Variants in ATP9A observed in about 807,000 individuals in gnomAD.
The protein encoded by ATP9A is probable phospholipid-transporting ATPase IIA.
ATP9A carries 52 observed loss-of-function variants against 144.1 expected under a neutral mutation model. That is an observed-to-expected ratio of 0.36 (90% CI 0.29 to 0.45). The LOEUF is 0.45. ATP9A is among the 20% of genes least tolerant of loss of function. The pLI is 1.00. For missense variants in ATP9A, 947 were observed against 1,392.7 expected (o/e 0.68, Z 5.09); for synonymous variants, 582 against 557.4 (o/e 1.04, Z -0.62).
chr20:51,674,368 A>G, intron 10 of ATP9A, 55 bp from the exon 11 acceptor site: 1 of 1,583,372 alleles, frequency 6.3e-7, no homozygotes, highest in Non-Finnish European at 8.6e-7. Context: ...ACTAATCTCA[A>G]ACCTAAACCA....
At chr20:51,742,257 C>T (rs577895263) in intron 1 of ATP9A, among the ~76,000 whole-genome samples, 3 of 149,934 alleles carry the variant, frequency 2.0e-5, no homozygotes, top group East Asian at 3.9e-4. Flanking sequence ...CCCGGGAAGT[C>T]GAGGCTGCAG....
rs1223593886 is a variant in ATP9A at position 51,622,114 on chromosome 20, T to C, written c.2075A>G (p.His692Arg). 6.2e-7 allele frequency: 1 copy of C among 1,614,058 alleles called. No homozygotes were observed. Among genetic ancestry groups the C allele is most frequent in the East Asian group, 2.2e-5 (1 of 44,886 alleles). The change falls in exon 19 of 28, where the codon CAT (histidine) becomes CGT (arginine). Residue 692 changes from histidine (H) to arginine (R), a missense_variant. By Grantham distance (29) the His-to-Arg change is conservative (BLOSUM62 0). Coordinates refer to ENST00000338821, the MANE Select transcript of ATP9A (RefSeq NM_006045.3). ...ETATCTAKNA[H>R]LVTRNQDIHV... is the part of the protein sequence containing the mutation. Reference sequence around the variant, plus strand: ...GATGTCTTGGTTTCTGGTCACCAGATGTGCATTCTTCGCTGTGCACGTAGC... The same window carrying C: ...GATGTCTTGGTTTCTGGTCACCAGACGTGCATTCTTCGCTGTGCACGTAGC...
intron 9 of ATP9A, among the ~76,000 whole-genome samples, chr20:51,688,644 T>C (rs2122814226): frequency 6.6e-6 from 1 of 151,876 alleles, no homozygotes; most frequent in East Asian, 1.9e-4. Flanking sequence ...GGCACCAATA[T>C]CCACTTCCTC....
At chr20:51,683,409 C>T (rs1033725773) in intron 9 of ATP9A, among the ~76,000 whole-genome samples, 9 of 151,588 alleles carry the variant, frequency 5.9e-5, no homozygotes, top group African/African-American at 9.7e-5. Context: ...GGATTACAGG[C>T]GCCCACCACC....
chr20:51,656,540 G>A (rs2077387592), intron 14 of ATP9A, among the ~76,000 whole-genome samples: 1 of 152,154 alleles, frequency 6.6e-6, no homozygotes. Context: ...GCAAAAGAGT[G>A]AGACTGTATC....
intron 25 of ATP9A, among the ~76,000 whole-genome samples, chr20:51,608,000 A>C (rs1425644123): frequency 6.6e-6 from 1 of 150,490 alleles, no homozygotes; most frequent in African/African-American, 2.4e-5. Flanking sequence ...GCCGAGATCG[A>C]GCCACTACAC....
At chr20:51,719,478 T>C (rs889760265) in intron 3 of ATP9A, among the ~76,000 whole-genome samples, 13 of 152,152 alleles carry the variant, frequency 8.5e-5, no homozygotes, top group Non-Finnish European at 1.2e-4. Flanking sequence ...CTCACGCCTG[T>C]AATCCCAGCA....
At chr20:51,664,447 G>A (rs2077424187) in intron 13 of ATP9A, among the ~76,000 whole-genome samples, 2 of 151,954 alleles carry the variant, frequency 1.3e-5, no homozygotes, top group Admixed American at 1.3e-4. Context: ...AATTAGCCAG[G>A]TATGGTGACG....
At chr20:51,719,441 A>G (rs972598004) in intron 3 of ATP9A, among the ~76,000 whole-genome samples, 2 of 152,180 alleles carry the variant, frequency 1.3e-5, no homozygotes, top group Non-Finnish European at 2.9e-5. Context: ...TTTCCTAAAA[A>G]GAAGAAACAT....
At chr20:51,724,638 G>A (rs2426389) in intron 3 of ATP9A, among the ~76,000 whole-genome samples, 19,268 of 152,188 alleles carry the variant, frequency 0.13, 1,274 homozygotes, top group South Asian at 0.19. Context: ...CTGAATGTCA[G>A]CCCCACAGGG....
At chr20:51,726,724 A>G (rs2077715057) in intron 2 of ATP9A, among the ~76,000 whole-genome samples, 1 of 151,558 alleles carries the variant, frequency 6.6e-6, no homozygotes. Context: ...AACCACAAGC[A>G]TGCACCACCA....
At chr20:51,747,281 T>C (rs928073836) in intron 1 of ATP9A, among the ~76,000 whole-genome samples, 1 of 152,122 alleles carries the variant, frequency 6.6e-6, no homozygotes, top group East Asian at 1.9e-4. Context: ...TGGCAGCTTC[T>C]CTTTAAATGT....
chr20:51,751,523 A>G (rs1041717667), intron 1 of ATP9A, among the ~76,000 whole-genome samples: 1 of 151,890 alleles, frequency 6.6e-6, no homozygotes, highest in African/African-American at 2.4e-5. Flanking sequence ...CCGCCTCTCA[A>G]AATGCTGGGA....
rs2077899861 is a variant in ATP9A, at chr20:51,765,561, A to C, written c.68+2741T>G. 2.7e-5 allele frequency among the ~76,000 whole-genome samples: 4 copies of C among 148,318 alleles called. No individual in the cohort carries two copies. The South Asian group carries it at 8.5e-4, about 31-fold the overall frequency. On this transcript the variant is annotated intron_variant, in intron 1 of 27. Transcript: ENST00000338821. ...AGCTACTCAGGAGGCTGATTCAAGG[A>C]GAATCGCTTGAACCTGGAATGCGGA...
At chr20:51,663,846 T>C (rs994618738) in intron 13 of ATP9A, among the ~76,000 whole-genome samples, 4 of 152,050 alleles carry the variant, frequency 2.6e-5, no homozygotes, top group African/African-American at 9.7e-5. Flanking sequence ...GTATCTGTTT[T>C]CTGTGGATGC....
chr20:51,642,957 G>A (rs570038328), intron 14 of ATP9A, among the ~76,000 whole-genome samples: 147 of 151,944 alleles, frequency 9.7e-4, no homozygotes, highest in African/African-American at 3.5e-3. Flanking sequence ...TCCCCGCTCT[G>A]TCCCCAGCCC....
intron 15 of ATP9A, 90 bp from the exon 16 acceptor site, chr20:51,629,162 A>T: frequency 2.9e-6 from 3 of 1,032,922 alleles, no homozygotes; most frequent in Non-Finnish European, 4.4e-6. Context: ...CAGTGTACAA[A>T]GTGCACTTAA....
At chr20:51,603,841 C>T (rs151335133) in intron 27 of ATP9A, among the ~76,000 whole-genome samples, 1,877 of 152,176 alleles carry the variant, frequency 0.012, 32 homozygotes, top group African/African-American at 0.042. Flanking sequence ...AGTGCAGTGG[C>T]GTGATCTCAG....
chr20:51,661,622 C>T (rs984638330), intron 13 of ATP9A, among the ~76,000 whole-genome samples: 7 of 151,410 alleles, frequency 4.6e-5, no homozygotes, highest in Non-Finnish European at 8.8e-5. Flanking sequence ...CCTCCCGCCT[C>T]GGCCTCCCAA....
Sources: gnomAD v4.1 joint callset for allele counts (sites outside exome capture counted in the v4.1 genomes callset) on GRCh38, gnomAD v4.1.1 for gene constraint, MANE v1.5 for transcripts, NCBI Gene and HGNC (gene_info 2026-07-23, HGNC 2026-07-21) for gene names.